SCMH1: variants seen among roughly 807,000 people sequenced by gnomAD.
SCMH1 encodes the protein Scm polycomb group protein homolog 1.
In SCMH1, 37 loss-of-function variants were observed where a neutral mutation model predicts 70.8. That is an observed-to-expected ratio of 0.52 (90% confidence interval 0.40 to 0.69). The LOEUF (loss-of-function observed/expected upper bound fraction) is 0.69. Among genes scored for constraint, SCMH1 ranks in the 30% least tolerant of loss-of-function variants. The probability of loss-of-function intolerance (pLI) is 0.00; values close to 1 mark genes in which losing one functional copy is unlikely to be tolerated. For synonymous variants in SCMH1, 292 were observed against 307.4 expected (o/e 0.95, Z 0.52); for missense variants, 607 against 827.3 (o/e 0.73, Z 3.27).
intron 1 of SCMH1, among the ~76,000 whole-genome samples, chr1:41,206,411 G>A (rs192837136): frequency 0.013 from 1,960 of 152,282 alleles, 41 homozygotes; most frequent in African/African-American, 0.045. Flanking sequence ...ACAAGCTTCA[G>A]TAGCCGATTT....
intron 8 of SCMH1, among the ~76,000 whole-genome samples, chr1:41,078,250 GAC>G (rs1658969656): frequency 1.3e-5 from 2 of 151,822 alleles, no homozygotes; most frequent in African/African-American, 4.8e-5. Context: ...AGATTAAGTA[GAC>G]ACAGTCAATA....
chr1:41,187,459 CAA>C (rs34070758), intron 1 of SCMH1, among the ~76,000 whole-genome samples: 42,882 of 128,764 alleles, frequency 0.33, 6,971 homozygotes, highest in East Asian at 0.55. Flanking sequence ...GAGACTTGGT[CAA>C]AAAAAAAAAA....
intron 11 of SCMH1, among the ~76,000 whole-genome samples, chr1:41,047,691 C>G (rs370609101): frequency 6.6e-6 from 1 of 152,014 alleles, no homozygotes; most frequent in Admixed American, 6.6e-5. Context: ...TGTGAGCCAC[C>G]GCACCTGGCC....
At chr1:41,176,736 TA>T (rs1256791149) in intron 2 of SCMH1, among the ~76,000 whole-genome samples, 1 of 151,888 alleles carries the variant, frequency 6.6e-6, no homozygotes, top group Non-Finnish European at 1.5e-5. Context: ...CTTGAGTAAG[TA>T]AAAAAAGTGG....
chr1:41,058,407 G>T (rs1471886842), intron 10 of SCMH1, among the ~76,000 whole-genome samples: 2 of 27,862 alleles, frequency 7.2e-5, no homozygotes, highest in Admixed American at 4.9e-4. Context: ...TTTTGAGACA[G>T]TCTCGCTCTA....
intron 6 of SCMH1, among the ~76,000 whole-genome samples, chr1:41,117,574 C>T (rs530927965): frequency 3.9e-4 from 60 of 152,284 alleles, no homozygotes; most frequent in African/African-American, 1.3e-3. Flanking sequence ...CAGTCAGGCC[C>T]GCCTGCAGTT....
exon 6 of SCMH1, chr1:41,143,092 G>A (rs763743658): frequency 3.2e-5 from 51 of 1,613,920 alleles, no homozygotes; most frequent in Non-Finnish European, 3.9e-5. Context: ...TCTTGAACTC[G>A]TTGCTTGGAG....
chr1:41,105,320 T>A (rs983469361), intron 8 of SCMH1, among the ~76,000 whole-genome samples: 2 of 152,178 alleles, frequency 1.3e-5, no homozygotes, highest in African/African-American at 4.8e-5. Context: ...GTATTCTTAT[T>A]TTTTGTAATT....
At chr1:41,123,250 C>A (rs1672383006) in intron 6 of SCMH1, among the ~76,000 whole-genome samples, 1 of 152,142 alleles carries the variant, frequency 6.6e-6, no homozygotes, top group African/African-American at 2.4e-5. Flanking sequence ...TGTGGAGCAG[C>A]AGGACTATAA....
intron 13 of SCMH1, among the ~76,000 whole-genome samples, chr1:41,036,749 G>A (rs1645355294): frequency 1.3e-5 from 2 of 152,122 alleles, no homozygotes; most frequent in Admixed American, 1.3e-4. Context: ...ATTCCAAATT[G>A]CATGCAGTTC....
chr1:41,171,790 C>G (rs559983050), intron 2 of SCMH1, among the ~76,000 whole-genome samples: 1 of 152,176 alleles, frequency 6.6e-6, no homozygotes, highest in South Asian at 2.1e-4. Context: ...TTCTGAATAA[C>G]CAATGGGTCA....
rs547054588 is a variant in SCMH1, at chr1:41,162,591, C to T, written c.14-1159G>A. Among the ~76,000 whole-genome samples the T allele has an allele frequency of 2.6e-5, 4 of 152,296 alleles. No individual in the cohort carries two copies. In the East Asian group the frequency reaches 7.7e-4, roughly 29 times the overall value. ...ACAATCTGCCTGCAGAAAGAAGCCA[C>T]CCATTCTAGGGCCTCCTCTTTGCTG... On this transcript the variant is annotated intron_variant, in intron 2 of 14. Coordinates refer to ENST00000337495, the Ensembl canonical transcript of SCMH1.
intron 1 of SCMH1, among the ~76,000 whole-genome samples, chr1:41,232,952 G>C (rs890504464): frequency 2.0e-5 from 3 of 152,174 alleles, no homozygotes; most frequent in African/African-American, 7.2e-5. Flanking sequence ...TCAAATGTTT[G>C]ATGATTCTTC....
Position 41,113,206 on chromosome 1 carries a change from A to G in SCMH1, c.745+77T>C, listed in dbSNP as rs1572238705. ...ATACTAGTGAAGTATACTGGTGAAGATATGATCATGACAGCCCTGGGTAGT... is the reference window on the plus strand; with the variant it reads ...ATACTAGTGAAGTATACTGGTGAAGGTATGATCATGACAGCCCTGGGTAGT... On this transcript the variant is annotated intron_variant, in intron 8 of 14. Transcript: ENST00000337495. This position sits in a 1 kb window ranked among gnomAD's most constrained non-coding sequence, Gnocchi z 4.3. 1.3e-6 allele frequency: 2 copies of G among 1,532,608 alleles called. No individual in the cohort carries two copies. Among genetic ancestry groups the G allele is most frequent in the East Asian group, 4.5e-5 (2 of 44,330 alleles). 94.9% of individuals were successfully genotyped at this position (1,532,608 alleles called of 1,614,324 possible). A position where few individuals can be genotyped will look rare whatever the true frequency, so the allele number is the denominator to read the frequency against.
intron 1 of SCMH1, among the ~76,000 whole-genome samples, chr1:41,203,637 A>G (rs1469214414): frequency 6.6e-6 from 1 of 152,232 alleles, no homozygotes; most frequent in Non-Finnish European, 1.5e-5. Context: ...TTGTGGGTTT[A>G]CTGGAATGAA....
intron 9 of SCMH1, among the ~76,000 whole-genome samples, chr1:41,071,913 C>A (rs558133125): frequency 6.6e-6 from 1 of 152,332 alleles, no homozygotes; most frequent in African/African-American, 2.4e-5. Flanking sequence ...ATCCTCCTAC[C>A]TTGGCCTCCC....
At chr1:41,168,875 C>T (rs954276340) in intron 2 of SCMH1, among the ~76,000 whole-genome samples, 4 of 152,044 alleles carry the variant, frequency 2.6e-5, no homozygotes, top group Non-Finnish European at 4.4e-5. Flanking sequence ...TCCATCAATA[C>T]CCCCACAATA....
intron 2 of SCMH1, among the ~76,000 whole-genome samples, chr1:41,162,580 G>A (rs1196940503): frequency 6.6e-6 from 1 of 152,212 alleles, no homozygotes; most frequent in South Asian, 2.1e-4. Context: ...TCTGCCTGCA[G>A]AAAGAAGCCA....
intron 1 of SCMH1, among the ~76,000 whole-genome samples, chr1:41,189,274 T>G (rs1184081856): frequency 6.6e-6 from 1 of 152,154 alleles, no homozygotes; most frequent in Admixed American, 6.5e-5. Context: ...CTCAGCCTCC[T>G]GAGTAGCTGG....
Sources: allele counts gnomAD v4.1 joint callset (sites outside exome capture counted in the v4.1 genomes callset), GRCh38; gene constraint gnomAD v4.1.1; non-coding constraint Gnocchi (gnomAD v3.1); transcripts MANE v1.5; gene names NCBI Gene and HGNC (gene_info 2026-07-23, HGNC 2026-07-21).